Variants in PTPRK observed in about 807,000 individuals in gnomAD.
PTPRK encodes the protein receptor-type tyrosine-protein phosphatase kappa.
In PTPRK, 75 loss-of-function variants were observed where a neutral mutation model predicts 178.0. The observed-to-expected ratio is 0.42, with a 90% CI of 0.35 to 0.51. The LOEUF (loss-of-function observed/expected upper bound fraction) is 0.51, where lower values mean the gene tolerates loss of function less well. PTPRK is among the 20% of genes least tolerant of loss of function. The pLI, the probability that PTPRK is intolerant of heterozygous loss-of-function variation, is 0.02. For synonymous variants in PTPRK, 637 were observed against 620.6 expected (o/e 1.03, Z -0.39); for missense variants, 1,441 against 1,797.8 (o/e 0.80, Z 3.59).
chr6:128,122,256 G>A (rs1792596307), intron 7 of PTPRK, among the ~76,000 whole-genome samples: 4 of 152,148 alleles, frequency 2.6e-5, no homozygotes, highest in Non-Finnish European at 4.4e-5. Flanking sequence ...TGCATGTATA[G>A]GGGTGGGGAG....
At chr6:128,338,800 GA>G (rs1412772020) in intron 2 of PTPRK, among the ~76,000 whole-genome samples, 1 of 152,162 alleles carries the variant, frequency 6.6e-6, no homozygotes, top group African/African-American at 2.4e-5. Context: ...CTGAAAAGGT[GA>G]GTGTTTTACT....
intron 1 of PTPRK, among the ~76,000 whole-genome samples, chr6:128,439,930 C>G (rs1037391947): frequency 1.1e-4 from 16 of 152,270 alleles, no homozygotes; most frequent in Non-Finnish European, 2.1e-4. Context: ...TTTTCCTTTT[C>G]TTTGAGTTAG....
At chr6:128,129,522 C>T (rs933508453) in intron 7 of PTPRK, among the ~76,000 whole-genome samples, 1 of 152,002 alleles carries the variant, frequency 6.6e-6, no homozygotes, top group African/African-American at 2.4e-5. Flanking sequence ...AAACATATTG[C>T]ACACTACCTT....
At chr6:128,009,409 C>G in intron 13 of PTPRK, 141 bp from the exon 14 acceptor site, 1 of 739,664 alleles carries the variant, frequency 1.4e-6, no homozygotes, top group Non-Finnish European at 2.1e-6. Flanking sequence ...AATACAGAAG[C>G]ATGCTAAAAT....
chr6:128,499,832 A>T (rs1415598783), intron 1 of PTPRK, among the ~76,000 whole-genome samples: 3 of 152,142 alleles, frequency 2.0e-5, no homozygotes, highest in African/African-American at 7.2e-5. Flanking sequence ...TGTTTTTGTT[A>T]TATTCTATTT....
intron 7 of PTPRK, among the ~76,000 whole-genome samples, chr6:128,134,309 T>TA (rs1430557129): frequency 9.2e-5 from 14 of 152,220 alleles, no homozygotes; most frequent in African/African-American, 3.1e-4. Flanking sequence ...ACTGATGATA[T>TA]AAAAATGATC....
chr6:128,064,679 T>G (rs1369096787), intron 13 of PTPRK, 79 bp downstream of exon 13: 4 of 1,512,494 alleles, frequency 2.6e-6, no homozygotes, highest in African/African-American at 1.4e-5. Context: ...TATTTAGCCC[T>G]GAAGCAGGGA....
intron 3 of PTPRK, among the ~76,000 whole-genome samples, chr6:128,314,862 T>G (rs1827784257): frequency 6.6e-6 from 1 of 151,748 alleles, no homozygotes; most frequent in Non-Finnish European, 1.5e-5. Flanking sequence ...AAAGGAGACC[T>G]TCTACTTCTA....
intron 1 of PTPRK, among the ~76,000 whole-genome samples, chr6:128,445,521 G>T (rs2128402675): frequency 6.7e-6 from 1 of 150,134 alleles, no homozygotes; most frequent in African/African-American, 2.4e-5. Flanking sequence ...TACATATAAA[G>T]TATATGTATA....
intron 1 of PTPRK, among the ~76,000 whole-genome samples, chr6:128,402,637 A>G (rs906281782): frequency 6.6e-6 from 1 of 152,104 alleles, no homozygotes; most frequent in African/African-American, 2.4e-5. Context: ...TTAACGCTAC[A>G]CTTCTGGGAA....
At chr6:128,331,275 A>G (rs1830242850) in intron 2 of PTPRK, among the ~76,000 whole-genome samples, 2 of 152,122 alleles carry the variant, frequency 1.3e-5, no homozygotes, top group African/African-American at 4.8e-5. Context: ...CATAGCACTT[A>G]CATAATGCTC....
chr6:128,252,460 T>C (rs537404741), intron 3 of PTPRK, among the ~76,000 whole-genome samples: 2 of 152,348 alleles, frequency 1.3e-5, no homozygotes, highest in South Asian at 4.1e-4. Flanking sequence ...CATGACTTCT[T>C]AGTCTTAAAG....
chr6:128,278,825 T>A (rs1430822175), intron 3 of PTPRK, among the ~76,000 whole-genome samples: 1 of 152,158 alleles, frequency 6.6e-6, no homozygotes, highest in Non-Finnish European at 1.5e-5. Context: ...ATGAGACACA[T>A]CCAATAAGAT....
chr6:128,061,943 C>T (rs1262188094), intron 13 of PTPRK: 1 of 152,156 alleles, frequency 6.6e-6, no homozygotes, highest in Non-Finnish European at 1.5e-5. Context: ...TACAGTTGGA[C>T]AGATTTTTAC....
chr6:128,399,317 A>T (rs905486832), intron 1 of PTPRK, among the ~76,000 whole-genome samples: 1 of 152,232 alleles, frequency 6.6e-6, no homozygotes, highest in African/African-American at 2.4e-5. Context: ...GACATCAGAG[A>T]TGTCATGGTG....
chr6:128,097,499 AAAGAT>A (rs1788108564), intron 7 of PTPRK, among the ~76,000 whole-genome samples: 1 of 152,218 alleles, frequency 6.6e-6, no homozygotes, highest in African/African-American at 2.4e-5. Flanking sequence ...AAAAAAAGGC[AAAGAT>A]AATTCTTTTA....
rs1461708624 is a variant in PTPRK, at chr6:127,969,136, C to T, written c.*1091G>A. The T allele has an allele frequency of 6.6e-6, 1 of 152,174 alleles. No homozygotes were observed. The highest frequency in any genetic ancestry group is 1.5e-5 in the Non-Finnish European group (1 of 68,024). The allele number at this position is 152,174 out of a possible 1,614,324, so 9.4% of individuals were successfully genotyped here. A position where few individuals can be genotyped will look rare whatever the true frequency, so the allele number is the denominator to read the frequency against. On this transcript the variant is annotated 3_prime_UTR_variant, in exon 30 of 30. Transcript: ENST00000368226. Reference sequence around the variant, plus strand: ...ACCCTGAAAGCATATATGTTGCCATCTTGTTTTCTTGACCAGTGCTGGGCC... The same window carrying T: ...ACCCTGAAAGCATATATGTTGCCATTTTGTTTTCTTGACCAGTGCTGGGCC...
intron 6 of PTPRK, among the ~76,000 whole-genome samples, chr6:128,215,460 C>T (rs528291777): frequency 6.6e-6 from 1 of 152,310 alleles, no homozygotes; most frequent in East Asian, 1.9e-4. Context: ...ATCTGCTCTG[C>T]ATCTCATCTC....
At chr6:128,437,149 T>C (rs1845703076) in intron 1 of PTPRK, among the ~76,000 whole-genome samples, 1 of 152,162 alleles carries the variant, frequency 6.6e-6, no homozygotes, top group Non-Finnish European at 1.5e-5. Context: ...GGGACTAAGT[T>C]AATAGTGTTA....
Sources: allele counts gnomAD v4.1 joint callset (sites outside exome capture counted in the v4.1 genomes callset), GRCh38; gene constraint gnomAD v4.1.1; transcripts MANE v1.5; gene names NCBI Gene and HGNC (gene_info 2026-07-23, HGNC 2026-07-21).